The following NSMCE1 variants were observed in gnomAD, a reference collection of about 807,000 sequenced individuals.
NSMCE1 encodes the protein non-structural maintenance of chromosomes element 1 homolog.
A neutral mutation model predicts 29.6 loss-of-function variants in NSMCE1; 18 were observed. That is an observed-to-expected ratio of 0.61 (90% confidence interval 0.42 to 0.90). NSMCE1 has a LOEUF of 0.90. Among genes scored for constraint, NSMCE1 ranks in the 40% least tolerant of loss-of-function variants. The pLI, the probability that NSMCE1 is intolerant of heterozygous loss-of-function variation, is 0.00. For synonymous variants in NSMCE1, 124 were observed against 133.4 expected, an observed-to-expected ratio of 0.93 and a Z score of 0.49; for missense variants, 314 against 343.6, an observed-to-expected ratio of 0.91 and a Z score of 0.68.
At chr16:27,242,726 T>G (rs1285035087) in intron 2 of NSMCE1, among the ~76,000 whole-genome samples, 1 of 152,238 alleles carries the variant, frequency 6.6e-6, no homozygotes, top group African/African-American at 2.4e-5. Flanking sequence ...ATTTTGCTAC[T>G]GATGCTGTTC....
At chr16:27,242,378 AAGAAGTTTATTACAATC>A (rs537515882) in intron 2 of NSMCE1, among the ~76,000 whole-genome samples, 18 of 152,148 alleles carry the variant, frequency 1.2e-4, no homozygotes, top group South Asian at 2.1e-4. Context: ...TCTTAAACTC[AAGAAGTTTATTACAATC>A]AGAAGTTTAT....
Position 27,260,106 on chromosome 16 carries a change from T to C in NSMCE1, c.-11-2525A>G, listed in dbSNP as rs2084138512. Among the ~76,000 whole-genome samples the C allele has an allele frequency of 4.6e-5, 7 of 152,196 alleles. 1 individual carries two copies. The highest frequency in any genetic ancestry group is 4.6e-4 in the Admixed American group (7 of 15,276). ...AAAGAGCAAAAAAAGTTGGTAAATA[T>C]GTGGTTAAATCCAAGTTAACTGTAT... On this transcript the variant is annotated intron_variant, in intron 1 of 7. Transcript: ENST00000361439.
intron 6 of NSMCE1, 99 bp downstream of exon 6, chr16:27,226,621 G>T: frequency 1.3e-6 from 1 of 764,464 alleles, no homozygotes; most frequent in Non-Finnish European, 2.2e-6. Flanking sequence ...AGCAGTGCAG[G>T]AGGGCTGGGC....
At chr16:27,242,911 C>T (rs1471627720) in intron 2 of NSMCE1, among the ~76,000 whole-genome samples, 2 of 152,202 alleles carry the variant, frequency 1.3e-5, no homozygotes, top group African/African-American at 2.4e-5. Flanking sequence ...TTCCTGGTCA[C>T]CCCAGCCCCT....
At chr16:27,267,300 C>T (rs190432554) in intron 1 of NSMCE1, among the ~76,000 whole-genome samples, 1 of 152,236 alleles carries the variant, frequency 6.6e-6, no homozygotes, top group Admixed American at 6.5e-5. Flanking sequence ...CTCAGTCATA[C>T]CATTCGTGCG....
In NSMCE1 at chr16:27,232,957, C is replaced by A. The variant is rs371191698; in HGVS notation, c.483+44G>T. The A allele has an allele frequency of 1.3e-6, 2 of 1,599,174 alleles. No individual in the cohort carries two copies. Among genetic ancestry groups the A allele is most frequent in the Non-Finnish European group, 1.7e-6 (2 of 1,173,194 alleles). On this transcript the variant is annotated intron_variant, in intron 5 of 7. Transcript: ENST00000361439. This position sits in a 1 kb window ranked among gnomAD's most constrained non-coding sequence, Gnocchi z 4.5. ...CGATTTTGGAGAAAAAACTGTTATT[C>A]ACTTGAAAAAGTGAACCAGGCTGGA...
chr16:27,259,936 G>A (rs947305974), intron 1 of NSMCE1, among the ~76,000 whole-genome samples: 1 of 152,178 alleles, frequency 6.6e-6, no homozygotes, highest in African/African-American at 2.4e-5. Flanking sequence ...GCTGAAGACT[G>A]AGGATAAGAC....
At chr16:27,230,570 C>T (rs1348499280) in intron 5 of NSMCE1, 1 of 152,426 alleles carries the variant, frequency 6.6e-6, no homozygotes, top group Non-Finnish European at 1.5e-5. Context: ...GAAACAGTCT[C>T]CGCAACGAGA....
chr16:27,264,368 G>A (rs1241638032), intron 1 of NSMCE1, among the ~76,000 whole-genome samples: 1 of 152,120 alleles, frequency 6.6e-6, no homozygotes, highest in African/African-American at 2.4e-5. Context: ...GTAAGATCCT[G>A]TCTAAAAACA....
chr16:27,258,681 C>G (rs957164909), intron 1 of NSMCE1, among the ~76,000 whole-genome samples: 1 of 152,116 alleles, frequency 6.6e-6, no homozygotes, highest in South Asian at 2.1e-4. Flanking sequence ...GTCACAACTA[C>G]CAAAGGCTTG....
Position 27,257,424 on chromosome 16 carries a change from A to G in NSMCE1, c.136+11T>C. The G allele has an allele frequency of 6.2e-7, 1 of 1,602,148 alleles. No individual in the cohort carries two copies. The highest frequency in any genetic ancestry group is 8.5e-7 in the Non-Finnish European group (1 of 1,173,424). ...ACCAGAGCGCCCTGGGAACAGGGAA[A>G]CGGTACTCACGGTCATGGACCTTGT... On this transcript the variant is annotated intron_variant, in intron 2 of 7. Transcript: ENST00000361439.
rs372669704 is a variant in NSMCE1, at chr16:27,250,356, G to A, written c.136+7079C>T. On this transcript the variant is annotated intron_variant, in intron 2 of 7. Coordinates refer to ENST00000361439, the MANE Select transcript of NSMCE1 (RefSeq NM_145080.4). ...AAAGTATTCAGTCTTTCACCATTAA[G>A]AGTGATGTTAGCTGTAGGTTTTACA... Among the ~76,000 whole-genome samples, 39 of 152,354 alleles carry A rather than the reference G, an allele frequency of 2.6e-4. No homozygotes were observed. In the East Asian group the frequency reaches 4.2e-3, roughly 17 times the overall value.
chr16:27,233,992 A>G (rs1413158609), intron 4 of NSMCE1, 196 bp downstream of exon 4: 4 of 559,928 alleles, frequency 7.1e-6, no homozygotes, highest in African/African-American at 1.9e-5. Flanking sequence ...TCAGGCAGCC[A>G]TGGGGACCCC....
At chr16:27,248,645 G>A (rs897241793) in intron 2 of NSMCE1, among the ~76,000 whole-genome samples, 34 of 151,990 alleles carry the variant, frequency 2.2e-4, no homozygotes, top group Non-Finnish European at 1.3e-4. Context: ...TCCTGACCTC[G>A]TGATCCACCC....
intron 1 of NSMCE1, chr16:27,268,046 T>C (rs1344173076): frequency 6.6e-6 from 1 of 152,046 alleles, no homozygotes; most frequent in African/African-American, 2.4e-5. Context: ...ACCAGGTCAA[T>C]GTAATATATG....
chr16:27,249,252 CT>C (rs1395956732), intron 2 of NSMCE1, among the ~76,000 whole-genome samples: 19 of 152,172 alleles, frequency 1.2e-4, no homozygotes, highest in Admixed American at 8.5e-4. Flanking sequence ...TTTTCAGTCT[CT>C]AAAGAGTATT....
At chr16:27,225,703 T>C in intron 7 of NSMCE1, 23 bp downstream of exon 7, 1 of 1,613,560 alleles carries the variant, frequency 6.2e-7, no homozygotes, top group South Asian at 1.1e-5. Flanking sequence ...GCCCCTCCCA[T>C]GAGCTCCTCA....
rs78275880 is a variant in NSMCE1 at position 27,259,584 on chromosome 16, T to G, written c.-11-2003A>C. 6.9e-3 allele frequency among the ~76,000 whole-genome samples: 1,042 copies of G among 152,090 alleles called. 16 individuals carry two copies. Among genetic ancestry groups the G allele is most frequent in the African/African-American group, 0.024 (1,001 of 41,472 alleles). ...ATCATGGAGGTGTAGAGGAAAGAAA[T>G]GGGAGGCAAAGAGTCCAGAAAGCAG... On this transcript the variant is annotated intron_variant, in intron 1 of 7. Transcript: ENST00000361439.
intron 2 of NSMCE1, among the ~76,000 whole-genome samples, chr16:27,242,816 C>T (rs2083908924): frequency 6.6e-6 from 1 of 152,254 alleles, no homozygotes. Context: ...CTGACACCTT[C>T]TGTGGCGCTC....
Sources: allele counts gnomAD v4.1 joint callset (sites outside exome capture counted in the v4.1 genomes callset), GRCh38; gene constraint gnomAD v4.1.1; non-coding constraint Gnocchi (gnomAD v3.1); transcripts MANE v1.5; gene names NCBI Gene and HGNC (gene_info 2026-07-23, HGNC 2026-07-21).